The following ROBO1 variants were observed in gnomAD, a reference collection of about 807,000 sequenced individuals.
The protein encoded by ROBO1 is roundabout homolog 1.
A neutral mutation model predicts 195.9 loss-of-function variants in ROBO1; 149 were observed. That is an observed-to-expected ratio of 0.76 (90% CI 0.67 to 0.87). The LOEUF (loss-of-function observed/expected upper bound fraction) is 0.87, where lower values mean the gene tolerates loss of function less well. ROBO1 is among the 40% of genes least tolerant of loss of function. The pLI is 0.00. For missense variants in ROBO1, 1,933 were observed against 2,068.3 expected (o/e 0.93, Z 1.27); for synonymous variants, 816 against 733.2 (o/e 1.11, Z -1.82).
intron 1 of ROBO1, among the ~76,000 whole-genome samples, chr3:79,608,548 A>G (rs996149859): frequency 2.6e-5 from 4 of 152,010 alleles, no homozygotes; most frequent in Non-Finnish European, 5.9e-5. Flanking sequence ...GGGGATGTTT[A>G]CAAACGTGGG....
intron 2 of ROBO1, among the ~76,000 whole-genome samples, chr3:79,295,760 G>T (rs1054707137): frequency 6.6e-6 from 1 of 151,894 alleles, no homozygotes; most frequent in Non-Finnish European, 1.5e-5. Context: ...TTTATAACCG[G>T]TAAGATAACA....
intron 5 of ROBO1, among the ~76,000 whole-genome samples, chr3:78,736,214 A>C (rs1263823416): frequency 2.0e-5 from 3 of 152,194 alleles, no homozygotes; most frequent in Admixed American, 2.0e-4. Flanking sequence ...GCAACTTTTC[A>C]TTCCTGAGTA....
At position 79,214,051 on chromosome 3, in the gene ROBO1, C is replaced by T. The variant is rs1391766874; in HGVS notation, c.89-88512G>A. 2.6e-5 allele frequency among the ~76,000 whole-genome samples: 4 copies of T among 151,922 alleles called. No homozygotes were observed. The East Asian group carries it at 7.8e-4, about 30-fold the overall frequency. ...ATGTTGGCCTGGCTGGTCTCGAATT[C>T]CTGACCTCAAGTGATCCACCTGCCA... On this transcript the variant is annotated intron_variant, in intron 2 of 30. Transcript: ENST00000464233.
intron 14 of ROBO1, among the ~76,000 whole-genome samples, chr3:78,666,841 T>C (rs1707765697): frequency 6.6e-6 from 1 of 152,192 alleles, no homozygotes; most frequent in Non-Finnish European, 1.5e-5. Context: ...GTCTCAGTCA[T>C]CTTGTGTATA....
At chr3:79,364,251 T>TATATATAC (rs386397147) in intron 2 of ROBO1, among the ~76,000 whole-genome samples, 1 of 148,572 alleles carries the variant, frequency 6.7e-6, no homozygotes, top group African/African-American at 2.5e-5. Flanking sequence ...TATATATATA[T>TATATATAC]ACATATATAT....
intron 9 of ROBO1, among the ~76,000 whole-genome samples, chr3:78,687,914 A>G (rs2081087086): frequency 6.6e-6 from 1 of 152,202 alleles, no homozygotes; most frequent in Non-Finnish European, 1.5e-5. Flanking sequence ...TACAAGCATG[A>G]GTCACTGTGC....
intron 2 of ROBO1, among the ~76,000 whole-genome samples, chr3:79,188,693 T>A (rs1000466021): frequency 6.6e-6 from 1 of 151,758 alleles, no homozygotes; most frequent in Non-Finnish European, 1.5e-5. Flanking sequence ...TGAGCACGTG[T>A]TTTGGCCAAT....
intron 4 of ROBO1, among the ~76,000 whole-genome samples, chr3:78,783,268 A>T (rs1001458907): frequency 1.3e-5 from 2 of 152,094 alleles, no homozygotes; most frequent in African/African-American, 2.4e-5. Flanking sequence ...TTCACACTCT[A>T]TGTCCATGTG....
intron 1 of ROBO1, among the ~76,000 whole-genome samples, chr3:79,691,752 C>T (rs887525775): frequency 1.3e-5 from 2 of 151,818 alleles, no homozygotes; most frequent in African/African-American, 4.8e-5. Context: ...AAGTTAATTT[C>T]TAGCCAAGAA....
intron 1 of ROBO1, among the ~76,000 whole-genome samples, chr3:79,635,368 C>T (rs1370870865): frequency 1.3e-5 from 2 of 152,138 alleles, no homozygotes; most frequent in Admixed American, 6.6e-5. Context: ...CATAATGTTC[C>T]TACCCTCAAT....
chr3:79,181,980 T>G, intron 2 of ROBO1, among the ~76,000 whole-genome samples: 1 of 150,550 alleles, frequency 6.6e-6, no homozygotes, highest in South Asian at 2.1e-4. Context: ...ATATATTATA[T>G]ATATTTTATT....
intron 3 of ROBO1, among the ~76,000 whole-genome samples, chr3:79,029,411 T>G (rs149193248): frequency 6.6e-6 from 1 of 152,312 alleles, no homozygotes; most frequent in Non-Finnish European, 1.5e-5. Context: ...AAAACCCATC[T>G]GTCTTAAATA....
chr3:79,051,049 T>C (rs1272405017), intron 3 of ROBO1, among the ~76,000 whole-genome samples: 1 of 151,670 alleles, frequency 6.6e-6, no homozygotes, highest in South Asian at 2.1e-4. Flanking sequence ...CACAAGAAAT[T>C]ACTAAGATCA....
intron 6 of ROBO1, 73 bp from the exon 7 acceptor site, chr3:78,717,486 T>C: frequency 7.7e-7 from 1 of 1,296,342 alleles, no homozygotes; most frequent in Non-Finnish European, 1.1e-6. Context: ...AGGAGTTCAG[T>C]AAGAGCATAT....
intron 2 of ROBO1, among the ~76,000 whole-genome samples, chr3:79,459,040 G>A (rs1009809054): frequency 6.6e-6 from 1 of 151,976 alleles, no homozygotes; most frequent in African/African-American, 2.4e-5. Context: ...CTTATTAAAC[G>A]TTTTTAAGTG....
intron 8 of ROBO1, among the ~76,000 whole-genome samples, chr3:78,710,199 C>T (rs752556636): frequency 1.3e-5 from 2 of 152,094 alleles, no homozygotes; most frequent in Non-Finnish European, 2.9e-5. Context: ...CCCCCCATGT[C>T]GCTGGGACTA....
chr3:79,648,946 C>T (rs1945917201), intron 1 of ROBO1, among the ~76,000 whole-genome samples: 1 of 152,052 alleles, frequency 6.6e-6, no homozygotes, highest in Non-Finnish European at 1.5e-5. Context: ...AAATAGTTGT[C>T]AACCTGGTAT....
intron 2 of ROBO1, among the ~76,000 whole-genome samples, chr3:79,248,553 G>A (rs1049817091): frequency 6.6e-6 from 1 of 152,022 alleles, no homozygotes; most frequent in African/African-American, 2.4e-5. Context: ...CTGATAGAAA[G>A]TTATTGAAAG....
intron 2 of ROBO1, among the ~76,000 whole-genome samples, chr3:79,537,418 A>C (rs1941914200): frequency 1.3e-5 from 2 of 152,142 alleles, no homozygotes; most frequent in South Asian, 4.1e-4. Context: ...GACTGTGGAT[A>C]ACTGAAATGT....
Sources: allele counts gnomAD v4.1 joint callset (sites outside exome capture counted in the v4.1 genomes callset), GRCh38; gene constraint gnomAD v4.1.1; transcripts MANE v1.5; gene names NCBI Gene and HGNC (gene_info 2026-07-23, HGNC 2026-07-21).